IL1RAPL1: variants seen among roughly 807,000 people sequenced by gnomAD.
IL1RAPL1 encodes interleukin 1 receptor accessory protein like 1.
A neutral mutation model predicts 48.4 loss-of-function variants in IL1RAPL1; 3 were observed. The observed-to-expected ratio is 0.06, with a 90% CI of 0.03 to 0.16. The LOEUF is 0.16. IL1RAPL1 is among the 10% of genes least tolerant of loss of function. The pLI, the probability that IL1RAPL1 is intolerant of heterozygous loss-of-function variation, is 1.00. For missense variants in IL1RAPL1, 349 were observed against 530.6 expected (o/e 0.66, Z 3.36); for synonymous variants, 185 against 187.7 (o/e 0.99, Z 0.12).
chrX:29,715,639 A>G (rs1601792431), intron 6 of IL1RAPL1, among the ~76,000 whole-genome samples: 1 of 111,563 alleles, frequency 9.0e-6, no homozygotes, highest in South Asian at 3.8e-4. Context: ...CTGGCTAAGC[A>G]TTCTTTTCTA....
chrX:29,939,117 G>T (rs1043543211), intron 8 of IL1RAPL1, among the ~76,000 whole-genome samples: 1 of 111,536 alleles, frequency 9.0e-6, no homozygotes, highest in African/African-American at 3.3e-5. Context: ...AACTGCTATT[G>T]ATATGGTAGA....
intron 2 of IL1RAPL1, among the ~76,000 whole-genome samples, chrX:28,903,127 T>G (rs979978027): frequency 9.0e-6 from 1 of 111,046 alleles, no homozygotes; most frequent in Non-Finnish European, 1.9e-5. Context: ...TTTTTGTTTG[T>G]TTGTTTTTTT....
intron 2 of IL1RAPL1, among the ~76,000 whole-genome samples, chrX:28,996,702 A>G (rs1305184693): frequency 9.0e-6 from 1 of 110,820 alleles, no homozygotes; most frequent in African/African-American, 3.3e-5. Context: ...CCTTAAGTAC[A>G]TTCACAACGT....
At chrX:29,334,316 G>A (rs1343396944) in intron 3 of IL1RAPL1, among the ~76,000 whole-genome samples, 4 of 84,650 alleles carry the variant, frequency 4.7e-5, no homozygotes, top group African/African-American at 1.4e-4. Flanking sequence ...GTGGCTGGCC[G>A]GGCGGGGGGC....
chrX:29,202,964 A>G (rs1013862196), intron 2 of IL1RAPL1, among the ~76,000 whole-genome samples: 16 of 111,323 alleles, frequency 1.4e-4, no homozygotes, highest in African/African-American at 5.2e-4. Flanking sequence ...ATGACATGCA[A>G]TTTACCTATA....
intron 5 of IL1RAPL1, among the ~76,000 whole-genome samples, chrX:29,458,487 C>G (rs5972176): frequency 0.47 from 52,350 of 110,339 alleles, 9,013 homozygotes; most frequent in East Asian, 0.74. Context: ...CACACACACA[C>G]TGTTCAGATG....
chrX:29,204,974 G>T (rs1401467648), intron 2 of IL1RAPL1, among the ~76,000 whole-genome samples: 1 of 112,157 alleles, frequency 8.9e-6, no homozygotes, highest in Non-Finnish European at 1.9e-5. Flanking sequence ...TTGGAACAAA[G>T]ATTAAAATTT....
chrX:29,285,524 CAAAAAAAAAAAAAAAAAA>C (rs778913919), intron 3 of IL1RAPL1, among the ~76,000 whole-genome samples: 3 of 11,569 alleles, frequency 2.6e-4, no homozygotes, highest in African/African-American at 1.4e-3. Context: ...AACTCCGTCT[CAAAAAAAAAAAAAAAAAA>C]AAAAAAAAAA....
At chrX:29,503,219 T>C (rs1358667850) in intron 5 of IL1RAPL1, among the ~76,000 whole-genome samples, 2 of 111,852 alleles carry the variant, frequency 1.8e-5, no homozygotes, top group African/African-American at 3.2e-5. Flanking sequence ...TTGTCAATTT[T>C]GTTTCTTTTC....
At chrX:28,662,241 G>C (rs1456155693) in intron 1 of IL1RAPL1, among the ~76,000 whole-genome samples, 1 of 110,921 alleles carries the variant, frequency 9.0e-6, no homozygotes, top group African/African-American at 3.3e-5. Context: ...TTAAGCTTCT[G>C]AACTTTTCCC....
intron 1 of IL1RAPL1, among the ~76,000 whole-genome samples, chrX:28,702,866 A>G (rs1320083336): frequency 9.1e-6 from 1 of 109,393 alleles, no homozygotes; most frequent in Non-Finnish European, 1.9e-5. Context: ...TGAAATGAAG[A>G]CTGTAGCTTC....
chrX:29,252,136 G>T (rs1382002567), intron 2 of IL1RAPL1, among the ~76,000 whole-genome samples: 3 of 105,045 alleles, frequency 2.9e-5, no homozygotes, highest in Non-Finnish European at 5.9e-5. Flanking sequence ...GAGGGGGGAG[G>T]GATAGCTTTA....
intron 5 of IL1RAPL1, among the ~76,000 whole-genome samples, chrX:29,612,430 A>G (rs1025258629): frequency 3.6e-5 from 4 of 110,910 alleles, no homozygotes; most frequent in African/African-American, 1.3e-4. Flanking sequence ...AAAAAAGGAT[A>G]TTAGAACTAC....
chrX:29,094,518 G>T (rs923682105), intron 2 of IL1RAPL1, among the ~76,000 whole-genome samples: 2 of 105,331 alleles, frequency 1.9e-5, no homozygotes, highest in African/African-American at 7.0e-5. Flanking sequence ...TGCACTTTGG[G>T]AGGCTGAGGT....
intron 2 of IL1RAPL1, among the ~76,000 whole-genome samples, chrX:29,091,428 G>A (rs1206766408): frequency 8.9e-6 from 1 of 111,885 alleles, no homozygotes; most frequent in Admixed American, 9.5e-5. Flanking sequence ...AGCACACTCA[G>A]ACAAAAACGT....
At chrX:29,314,637 C>G (rs1163562159) in intron 3 of IL1RAPL1, among the ~76,000 whole-genome samples, 1 of 112,487 alleles carries the variant, frequency 8.9e-6, no homozygotes, top group Non-Finnish European at 1.9e-5. Context: ...GACAACCTCT[C>G]TGAGTTTCCT....
intron 1 of IL1RAPL1, among the ~76,000 whole-genome samples, chrX:28,721,880 G>A (rs1349434079): frequency 1.8e-5 from 2 of 110,860 alleles, no homozygotes; most frequent in Admixed American, 9.6e-5. Context: ...GTTTTTGTCA[G>A]GTTTGTCAAA....
chrX:29,228,600 G>A (rs988630546), intron 2 of IL1RAPL1, among the ~76,000 whole-genome samples: 33 of 110,377 alleles, frequency 3.0e-4, no homozygotes, highest in African/African-American at 1.1e-3. Context: ...TGATCCACCC[G>A]CCTCGTCCTC....
intron 5 of IL1RAPL1, among the ~76,000 whole-genome samples, chrX:29,648,182 C>T (rs1925397197): frequency 9.0e-6 from 1 of 111,608 alleles, no homozygotes; most frequent in African/African-American, 3.3e-5. Context: ...GAGAGAAAGA[C>T]TGCAATACAG....
Sources: allele counts gnomAD v4.1 joint callset (sites outside exome capture counted in the v4.1 genomes callset), GRCh38; gene constraint gnomAD v4.1.1; transcripts MANE v1.5; gene names NCBI Gene and HGNC (gene_info 2026-07-23, HGNC 2026-07-21).